KCTD8: variants seen among roughly 807,000 people sequenced by gnomAD.
The protein encoded by KCTD8 is potassium channel tetramerization domain containing 8, also known as BTB/POZ domain-containing protein KCTD8.
Under a neutral mutation model 31.5 loss-of-function variants are expected in KCTD8, and 27 were observed. The observed-to-expected ratio is 0.86, with a 90% CI of 0.63 to 1.18. KCTD8 has a LOEUF of 1.18. Ranked by LOEUF, KCTD8 falls within the 50% of genes most tolerant of loss-of-function variation. KCTD8 has a pLI of 0.00. For missense variants in KCTD8, 658 were observed against 647.7 expected (o/e 1.02, Z -0.17); for synonymous variants, 290 against 280.0 (o/e 1.04, Z -0.36).
intron 1 of KCTD8, among the ~76,000 whole-genome samples, chr4:44,400,192 A>G (rs1201239722): frequency 6.6e-6 from 1 of 152,192 alleles, no homozygotes; most frequent in East Asian, 1.9e-4. Flanking sequence ...GTTTCTAGAA[A>G]GTTTCTTCAA....
intron 1 of KCTD8, among the ~76,000 whole-genome samples, chr4:44,329,883 T>G (rs974294041): frequency 6.6e-6 from 1 of 151,946 alleles, no homozygotes; most frequent in African/African-American, 2.4e-5. Flanking sequence ...TTAGCTATAG[T>G]AGACAACAGT....
chr4:44,421,872 C>A (rs1349844219), intron 1 of KCTD8, among the ~76,000 whole-genome samples: 1 of 152,092 alleles, frequency 6.6e-6, no homozygotes, highest in Non-Finnish European at 1.5e-5. Flanking sequence ...ATGGCCTATT[C>A]ATAATAATGC....
At chr4:44,362,191 C>A (rs866641397) in intron 1 of KCTD8, among the ~76,000 whole-genome samples, 2 of 152,082 alleles carry the variant, frequency 1.3e-5, no homozygotes, top group African/African-American at 4.8e-5. Context: ...GCCAGCCACA[C>A]GTAGGTGAGT....
intron 1 of KCTD8, among the ~76,000 whole-genome samples, chr4:44,272,139 AT>A (rs1716631253): frequency 6.7e-6 from 1 of 150,026 alleles, no homozygotes; most frequent in Middle Eastern, 3.2e-3. Context: ...ATATATATAT[AT>A]AAATGCTGAA....
intron 1 of KCTD8, among the ~76,000 whole-genome samples, chr4:44,197,321 C>T (rs1017675515): frequency 1.3e-5 from 2 of 152,124 alleles, no homozygotes; most frequent in Non-Finnish European, 2.9e-5. Context: ...CCCCTGGCCC[C>T]TGCCTGAGGG....
intron 1 of KCTD8, among the ~76,000 whole-genome samples, chr4:44,268,847 C>G (rs1716478850): frequency 6.6e-6 from 1 of 151,696 alleles, no homozygotes; most frequent in African/African-American, 2.4e-5. Context: ...TGTGAAGGAC[C>G]TCTTCAAGGA....
intron 1 of KCTD8, among the ~76,000 whole-genome samples, chr4:44,219,836 T>A (rs148221866): frequency 1.3e-5 from 2 of 152,216 alleles, no homozygotes; most frequent in Admixed American, 1.3e-4. Flanking sequence ...TTATTCTAAC[T>A]GTTCCAATGA....
At chr4:44,426,090 A>G (rs986891841) in intron 1 of KCTD8, among the ~76,000 whole-genome samples, 7 of 145,382 alleles carry the variant, frequency 4.8e-5, no homozygotes, top group Admixed American at 2.8e-4. Context: ...AAGAAAAATT[A>G]TAAGAGAATT....
intron 1 of KCTD8, among the ~76,000 whole-genome samples, chr4:44,280,079 T>C (rs1004507532): frequency 4.6e-5 from 7 of 152,086 alleles, no homozygotes; most frequent in Non-Finnish European, 7.4e-5. Context: ...GAAGACACTA[T>C]GAAATTTATA....
At chr4:44,406,030 A>C (rs1720786541) in intron 1 of KCTD8, among the ~76,000 whole-genome samples, 4 of 152,150 alleles carry the variant, frequency 2.6e-5, no homozygotes, top group Admixed American at 2.6e-4. Flanking sequence ...GTTAAAATTA[A>C]TAGAAAAATG....
At chr4:44,249,941 C>T (rs1560405899) in intron 1 of KCTD8, among the ~76,000 whole-genome samples, 1 of 151,720 alleles carries the variant, frequency 6.6e-6, no homozygotes. Context: ...CTATCATTCC[C>T]TTACATGTAC....
chr4:44,201,996 A>T (rs1714163900), intron 1 of KCTD8, among the ~76,000 whole-genome samples: 1 of 152,146 alleles, frequency 6.6e-6, no homozygotes, highest in African/African-American at 2.4e-5. Context: ...ATGAACACAT[A>T]CTTCTGGAAA....
chr4:44,196,667 C>T (rs943487785), intron 1 of KCTD8, among the ~76,000 whole-genome samples: 2 of 152,134 alleles, frequency 1.3e-5, no homozygotes, highest in African/African-American at 4.8e-5. Context: ...CAGTGCAGAG[C>T]CAGAAGAAGC....
chr4:44,415,635 G>A (rs1721061945), intron 1 of KCTD8, among the ~76,000 whole-genome samples: 2 of 152,134 alleles, frequency 1.3e-5, no homozygotes, highest in South Asian at 4.1e-4. Flanking sequence ...TGGCTAAAAG[G>A]ACATCAAGGT....
intron 1 of KCTD8, among the ~76,000 whole-genome samples, chr4:44,356,400 G>T (rs1026772257): frequency 5.3e-5 from 8 of 152,176 alleles, no homozygotes; most frequent in Non-Finnish European, 1.0e-4. Context: ...TATTCAAGGA[G>T]AATTAATCCC....
chr4:44,295,087 G>A (rs1201465629), intron 1 of KCTD8, among the ~76,000 whole-genome samples: 3 of 152,106 alleles, frequency 2.0e-5, no homozygotes, highest in Non-Finnish European at 4.4e-5. Flanking sequence ...GAGCCCAGGA[G>A]TTTGAGATCA....
intron 1 of KCTD8, among the ~76,000 whole-genome samples, chr4:44,276,427 T>C (rs2109375720): frequency 6.6e-6 from 1 of 152,136 alleles, no homozygotes; most frequent in South Asian, 2.1e-4. Context: ...CAGCTATATG[T>C]ATTCCTTTTT....
chr4:44,337,551 G>C (rs1017537692), intron 1 of KCTD8, among the ~76,000 whole-genome samples: 3 of 151,782 alleles, frequency 2.0e-5, no homozygotes, highest in African/African-American at 7.3e-5. Context: ...GTGTGTACCT[G>C]TAGTCCCAGC....
At chr4:44,365,602 G>A (rs1055365911) in intron 1 of KCTD8, among the ~76,000 whole-genome samples, 16 of 152,206 alleles carry the variant, frequency 1.1e-4, no homozygotes, top group Middle Eastern at 3.4e-3. Context: ...GCAAAAAATA[G>A]TAATCTTAAC....
Sources: allele counts gnomAD v4.1 joint callset (sites outside exome capture counted in the v4.1 genomes callset), GRCh38; gene constraint gnomAD v4.1.1; transcripts MANE v1.5; gene names NCBI Gene and HGNC (gene_info 2026-07-23, HGNC 2026-07-21).